The following ZNF346 variants were observed in gnomAD, a reference collection of about 807,000 sequenced individuals.
ZNF346 encodes the protein double-stranded RNA-binding zinc finger protein JAZ.
A neutral mutation model predicts 33.7 loss-of-function variants in ZNF346; 23 were observed. That is an observed-to-expected ratio of 0.68 (90% CI 0.49 to 0.97). ZNF346 has a LOEUF of 0.97. Ranked by LOEUF, ZNF346 falls within the 50% of genes least tolerant of loss-of-function variation. The pLI, the probability that ZNF346 is intolerant of heterozygous loss-of-function variation, is 0.00. For missense variants in ZNF346, 340 were observed against 371.1 expected (o/e 0.92, Z 0.69); for synonymous variants, 134 against 142.4 (o/e 0.94, Z 0.42).
chr5:177,062,051 G>A lies in ZNF346; in HGVS notation c.704-7G>A, dbSNP rs777616289. On this transcript the variant is annotated splice_polypyrimidine_tract_variant and splice_region_variant and intron_variant, in intron 5 of 6. Coordinates refer to ENST00000358149, the MANE Select transcript of ZNF346 (RefSeq NM_012279.4). ...ATTACTAAGATCTTGATTTTGATGT[G>A]TTTCAGCTGGAAAGGGCTACCCCTG... The A allele has an allele frequency of 1.0e-4, 163 of 1,612,406 alleles. No homozygotes were observed. The highest frequency in any genetic ancestry group is 1.3e-4 in the Non-Finnish European group (158 of 1,178,876).
chr5:177,056,890 T>G (rs943811937), intron 5 of ZNF346, among the ~76,000 whole-genome samples: 1 of 152,206 alleles, frequency 6.6e-6, no homozygotes, highest in African/African-American at 2.4e-5. Context: ...GTTGTGCACA[T>G]GTACCCTAGA....
rs1238284676 is a variant in ZNF346, at chr5:177,077,884, C to G, written c.*3-1498C>G. Among the ~76,000 whole-genome samples, 1 of 152,164 alleles carries G rather than the reference C, an allele frequency of 6.6e-6. No homozygotes were observed. Among genetic ancestry groups the G allele is most frequent in the Non-Finnish European group, 1.5e-5 (1 of 68,036 alleles). On this transcript the variant is annotated intron_variant, in intron 8 of 8. Transcript: ENST00000503039. This position sits in a 1 kb window ranked among gnomAD's most constrained non-coding sequence, Gnocchi z 5.0. ...ATGCCTGGCCAGGCGCGGTGGCTCA[C>G]GCCTGTAATCCCAGCACTTTGGGAG...
At chr5:177,061,771 C>T (rs1034767139) in intron 5 of ZNF346, among the ~76,000 whole-genome samples, 1 of 152,172 alleles carries the variant, frequency 6.6e-6, no homozygotes, top group Non-Finnish European at 1.5e-5. Flanking sequence ...CCAAATGTCA[C>T]CTCTCTGTTC....
In ZNF346 at chr5:177,050,834, C is replaced by T; in HGVS notation, c.601C>T (p.Gln201Ter). The T allele has an allele frequency of 6.2e-7, 1 of 1,614,168 alleles. No homozygotes were observed. Among genetic ancestry groups the T allele is most frequent in the Non-Finnish European group, 8.5e-7 (1 of 1,180,028 alleles). The stretch of plus-strand genomic sequence containing the variant: ...AACTTTCAACGACCCTGTCATGGCT[C>T]AACAACATTATGTGGGCAAGAAACA... ...HATFNDPVMA[Q>*]QHYVGKKHRK... Residue 201 changes from glutamine to a stop codon, truncating the protein, a stop_gained, in exon 5 of 7, where the codon CAA becomes TAA. Coordinates refer to ENST00000358149, the MANE Select transcript of ZNF346 (RefSeq NM_012279.4). LOFTEE classifies it high-confidence loss of function.
At chr5:177,062,185 T>C (rs772875957) in intron 6 of ZNF346, 34 bp downstream of exon 6, 18 of 1,534,722 alleles carry the variant, frequency 1.2e-5, no homozygotes, top group Non-Finnish European at 1.5e-5. Flanking sequence ...CTAGGATCCA[T>C]AGCAGGAGCT....
At chr5:177,055,811 C>T (rs1781593608) in intron 5 of ZNF346, among the ~76,000 whole-genome samples, 1 of 151,938 alleles carries the variant, frequency 6.6e-6, no homozygotes, top group Non-Finnish European at 1.5e-5. Context: ...TGCAGTGGCT[C>T]ACACCTCTAA....
At chr5:177,053,399 C>T (rs537137738) in intron 5 of ZNF346, among the ~76,000 whole-genome samples, 1 of 151,336 alleles carries the variant, frequency 6.6e-6, no homozygotes, top group South Asian at 2.1e-4. Context: ...CATCCTTCTA[C>T]CTTGGCCGCC....
intron 5 of ZNF346, among the ~76,000 whole-genome samples, chr5:177,058,564 C>T (rs1782067657): frequency 6.6e-6 from 1 of 152,136 alleles, no homozygotes; most frequent in African/African-American, 2.4e-5. Context: ...TTTTAATCTC[C>T]ACACGTTCCT....
chr5:177,069,408 G>A (rs548626271), downstream of ZNF346, among the ~76,000 whole-genome samples: 38 of 150,234 alleles, frequency 2.5e-4, no homozygotes, highest in Middle Eastern at 3.4e-3. Flanking sequence ...AGCTGAGATC[G>A]CGCCACTGCA....
At position 177,029,328 on chromosome 5, in the gene ZNF346, C is replaced by G. The variant is rs149204687; in HGVS notation, c.175+6415C>G. ...TTCATGTGCTGGAAGTGTGGCACACCCCAATTCCATGGGGATAGACGCTCC... is the reference window on the plus strand; with the variant it reads ...TTCATGTGCTGGAAGTGTGGCACACGCCAATTCCATGGGGATAGACGCTCC... On this transcript the variant is annotated intron_variant, in intron 1 of 6. Coordinates refer to ENST00000358149, the MANE Select transcript of ZNF346 (RefSeq NM_012279.4). 2.4e-3 allele frequency among the ~76,000 whole-genome samples: 359 copies of G among 152,224 alleles called. 2 individuals are homozygous for G. The highest frequency in any genetic ancestry group is 8.2e-3 in the African/African-American group (339 of 41,532).
chr5:177,072,798 G>A (rs1487304928), downstream of ZNF346, among the ~76,000 whole-genome samples: 3 of 150,154 alleles, frequency 2.0e-5, no homozygotes, highest in South Asian at 2.1e-4. Context: ...GCAGTGAGCC[G>A]AGATCACACC....
chr5:177,074,853 G>T (rs1054187527), intron 8 of ZNF346, among the ~76,000 whole-genome samples: 3 of 150,086 alleles, frequency 2.0e-5, no homozygotes, highest in African/African-American at 4.9e-5. Flanking sequence ...GGATCACGAG[G>T]TCAGGAGAAC....
intron 1 of ZNF346, among the ~76,000 whole-genome samples, chr5:177,026,963 C>T (rs946482273): frequency 6.6e-5 from 10 of 152,008 alleles, no homozygotes; most frequent in African/African-American, 2.4e-4. Context: ...AATCTTAGCT[C>T]AAAAAGGGAG....
chr5:177,069,162 G>GT (rs1333659293), downstream of ZNF346, among the ~76,000 whole-genome samples: 1,244 of 136,938 alleles, frequency 9.1e-3, 230 homozygotes, highest in African/African-American at 0.031. Flanking sequence ...CAGAAGTTCA[G>GT]TTTTTTTTTT....
chr5:177,022,756 G>C lies in ZNF346; in HGVS notation c.18G>C (p.Pro6=), dbSNP rs748581627. The C allele has an allele frequency of 1.9e-6, 3 of 1,555,812 alleles. No homozygotes were observed. The African/African-American group carries it at 4.2e-5, about 22-fold the overall frequency. ...CGGGGAAGATGGAGTATCCCGCGCC[G>C]GCCACGGTGCAGGCCGCGGACGGCG... MEYPA[P]ATVQAADGGA... Residue 6 remains proline, a synonymous_variant, in exon 1 of 7, where the codon CCG becomes CCC. Transcript: ENST00000358149.
At chr5:177,042,690 A>ATTAT (rs974122458) in intron 3 of ZNF346, among the ~76,000 whole-genome samples, 1 of 151,134 alleles carries the variant, frequency 6.6e-6, no homozygotes, top group African/African-American at 2.5e-5. Context: ...GGTTTCCCTT[A>ATTAT]TTATTTATTT....
chr5:177,022,974 G>C (rs1776045818), intron 1 of ZNF346, 61 bp downstream of exon 1: 1 of 1,441,886 alleles, frequency 6.9e-7, no homozygotes, highest in Admixed American at 2.8e-5. Context: ...GCGGGGAACT[G>C]CGGAAGCGCC....
intron 1 of ZNF346, among the ~76,000 whole-genome samples, chr5:177,028,663 G>T (rs1397735233): frequency 2.1e-5 from 3 of 140,542 alleles, no homozygotes; most frequent in African/African-American, 7.7e-5. Flanking sequence ...TCCAGAGCAA[G>T]AAAGGTGAAA....
chr5:177,034,619 T>C (rs1248742806), intron 1 of ZNF346, among the ~76,000 whole-genome samples: 2 of 152,360 alleles, frequency 1.3e-5, no homozygotes, highest in African/African-American at 4.8e-5. Context: ...AGCCCTGTGC[T>C]TCATACTCTA....
Sources: gnomAD v4.1 joint callset for allele counts (sites outside exome capture counted in the v4.1 genomes callset) on GRCh38, gnomAD v4.1.1 for gene constraint, Gnocchi (gnomAD v3.1) non-coding constraint, MANE v1.5 for transcripts, NCBI Gene and HGNC (gene_info 2026-07-23, HGNC 2026-07-21) for gene names.